LRP1B: variants seen among roughly 807,000 people sequenced by gnomAD.
LRP1B encodes the protein LDL receptor related protein 1B.
A neutral mutation model predicts 556.6 loss-of-function variants in LRP1B; 217 were observed. The observed-to-expected ratio is 0.39, with a 90% CI of 0.35 to 0.44. LRP1B has a LOEUF of 0.44. Among genes scored for constraint, LRP1B ranks in the 20% least tolerant of loss-of-function variants. The probability of loss-of-function intolerance (pLI) is 1.00; values close to 1 mark genes in which losing one functional copy is unlikely to be tolerated. For missense variants in LRP1B, 5,053 were observed against 5,620.8 expected (o/e 0.90, Z 3.23); for synonymous variants, 2,047 against 1,865.8 (o/e 1.10, Z -2.50).
intron 7 of LRP1B, among the ~76,000 whole-genome samples, chr2:141,125,459 A>G (rs1701178781): frequency 6.6e-6 from 1 of 152,206 alleles, no homozygotes; most frequent in Admixed American, 6.5e-5. Flanking sequence ...AGAAGATAGG[A>G]AGTGCATTTT....
At chr2:140,959,368 T>G (rs1424084912) in intron 18 of LRP1B, among the ~76,000 whole-genome samples, 1 of 151,630 alleles carries the variant, frequency 6.6e-6, no homozygotes, top group Non-Finnish European at 1.5e-5. Flanking sequence ...AGATTCAAGT[T>G]GCATTTTCTG....
chr2:141,212,415 A>G (rs1281330568), intron 6 of LRP1B, among the ~76,000 whole-genome samples: 1 of 150,476 alleles, frequency 6.6e-6, no homozygotes, highest in Non-Finnish European at 1.5e-5. Context: ...AGTAGCTGGG[A>G]CTACAGGCTT....
rs955821193 is a variant in LRP1B, at chr2:140,783,516, G to A, written c.5360-7278C>T. ...AAATTCATAAGGCTACACAGATGAA[G>A]AATAGGAGAGAAGACCATGGCAATA... On this transcript the variant is annotated intron_variant, in intron 32 of 90. Transcript: ENST00000389484. Among the ~76,000 whole-genome samples, 14 of 122,958 alleles carry A rather than the reference G, an allele frequency of 1.1e-4. No individual in the cohort carries two copies. In the Middle Eastern group the frequency reaches 0.02, roughly 174 times the overall value. The allele number at this position is 122,958 out of a possible 152,430, so 80.7% of individuals were successfully genotyped here.
intron 2 of LRP1B, among the ~76,000 whole-genome samples, chr2:141,580,299 T>A (rs549332001): frequency 1.3e-5 from 2 of 152,294 alleles, no homozygotes; most frequent in South Asian, 4.1e-4. Flanking sequence ...TGATAAAGAT[T>A]ACAAACTCAT....
intron 83 of LRP1B, among the ~76,000 whole-genome samples, chr2:140,304,576 T>C (rs1683984210): frequency 2.0e-5 from 3 of 152,182 alleles, no homozygotes; most frequent in Admixed American, 2.0e-4. Flanking sequence ...GATGAGTAGA[T>C]TGCAAAAATG....
intron 11 of LRP1B, among the ~76,000 whole-genome samples, chr2:141,032,112 A>G (rs1399548746): frequency 6.6e-6 from 1 of 152,010 alleles, no homozygotes; most frequent in African/African-American, 2.4e-5. Flanking sequence ...GATCCTTCCA[A>G]AAACTTTTGG....
At chr2:140,690,629 C>T (rs780615805) in intron 41 of LRP1B, among the ~76,000 whole-genome samples, 29 of 152,104 alleles carry the variant, frequency 1.9e-4, no homozygotes, top group South Asian at 4.1e-4. Flanking sequence ...TAGCTTGCAA[C>T]AAAATGAAGA....
At chr2:141,767,494 T>C (rs994785970) in intron 2 of LRP1B, among the ~76,000 whole-genome samples, 1 of 152,182 alleles carries the variant, frequency 6.6e-6, no homozygotes, top group East Asian at 1.9e-4. Flanking sequence ...TTAGGACTTA[T>C]ACATTTGTCA....
chr2:141,768,517 T>C (rs367581075), intron 2 of LRP1B, among the ~76,000 whole-genome samples: 23 of 152,234 alleles, frequency 1.5e-4, no homozygotes, highest in African/African-American at 5.5e-4. Flanking sequence ...TTCCCAGTGG[T>C]TGGGAAATAA....
intron 2 of LRP1B, among the ~76,000 whole-genome samples, chr2:141,788,821 G>C (rs933924423): frequency 1.3e-5 from 2 of 151,878 alleles, no homozygotes; most frequent in African/African-American, 4.8e-5. Context: ...AGTTTGCTAA[G>C]AATGATGGTT....
intron 2 of LRP1B, among the ~76,000 whole-genome samples, chr2:141,774,211 A>G (rs1694986194): frequency 6.6e-6 from 1 of 152,182 alleles, no homozygotes; most frequent in South Asian, 2.1e-4. Flanking sequence ...TTTGATTGCT[A>G]TAAATAAATA....
intron 2 of LRP1B, among the ~76,000 whole-genome samples, chr2:141,508,091 CAA>C (rs1553523423): frequency 6.7e-6 from 1 of 148,552 alleles, no homozygotes. Flanking sequence ...ATCCCCCCCC[CAA>C]AAAAAAAGAA....
intron 32 of LRP1B, among the ~76,000 whole-genome samples, chr2:140,791,633 A>AT (rs1690123903): frequency 6.6e-6 from 1 of 152,044 alleles, no homozygotes. Context: ...TTTTTTAGTA[A>AT]TTTTTTAATA....
At chr2:140,700,751 G>T in intron 40 of LRP1B, 130 bp from the exon 41 acceptor site, 2 of 932,930 alleles carry the variant, frequency 2.1e-6, no homozygotes, top group African/African-American at 1.9e-5. Context: ...ATTTTAAGCT[G>T]GTCAATAAAA....
intron 41 of LRP1B, among the ~76,000 whole-genome samples, chr2:140,676,073 C>G (rs1162327216): frequency 6.6e-6 from 1 of 152,098 alleles, no homozygotes; most frequent in Non-Finnish European, 1.5e-5. Flanking sequence ...GATAAGAAAA[C>G]TGTATTAAAT....
chr2:140,877,664 A>G (rs1559170722), intron 25 of LRP1B, among the ~76,000 whole-genome samples: 1 of 152,270 alleles, frequency 6.6e-6, no homozygotes, highest in East Asian at 1.9e-4. Context: ...AGAAACTCAG[A>G]AGCAGGCAAC....
At chr2:140,574,277 G>T (rs1681436584) in intron 43 of LRP1B, among the ~76,000 whole-genome samples, 1 of 152,076 alleles carries the variant, frequency 6.6e-6, no homozygotes, top group South Asian at 2.1e-4. Context: ...TTATAGTAAA[G>T]ATAAATGCTT....
rs1685043820 is a variant in LRP1B, at chr2:140,413,325, T to C, written c.10415-27316A>G. ...TTGTATACTCCAGATGTATTAACAC[T>C]GGTTTTCCTTTCTCTGCCAATGTTT... On this transcript the variant is annotated intron_variant, in intron 66 of 90. Transcript: ENST00000389484. Among the ~76,000 whole-genome samples, 3 of 152,214 alleles carry C rather than the reference T, an allele frequency of 2.0e-5. No individual in the cohort carries two copies. The South Asian group carries it at 6.2e-4, about 32-fold the overall frequency.
At chr2:141,815,758 A>C (rs1224043835) in intron 1 of LRP1B, among the ~76,000 whole-genome samples, 2 of 152,258 alleles carry the variant, frequency 1.3e-5, no homozygotes, top group Admixed American at 1.3e-4. Context: ...ACGCTGTGGA[A>C]GCTTTGTGCT....
Sources: allele counts gnomAD v4.1 joint callset (sites outside exome capture counted in the v4.1 genomes callset), GRCh38; gene constraint gnomAD v4.1.1; transcripts MANE v1.5; gene names NCBI Gene and HGNC (gene_info 2026-07-23, HGNC 2026-07-21).